EAF2: variants seen among roughly 807,000 people sequenced by gnomAD.
EAF2 encodes the protein ELL associated factor 2.
A neutral mutation model predicts 29.4 loss-of-function variants in EAF2; 29 were observed. The ratio of observed to expected loss-of-function variants is 0.99; its 90% CI spans 0.73 to 1.35. The LOEUF (loss-of-function observed/expected upper bound fraction) is 1.35, where lower values mean the gene tolerates loss of function less well. Among genes scored for constraint, EAF2 ranks in the 40% most tolerant of loss-of-function variants. The pLI, the probability that EAF2 is intolerant of heterozygous loss-of-function variation, is 0.00. For synonymous variants in EAF2, 103 were observed against 102.5 expected (o/e 1.00, Z -0.03); for missense variants, 292 against 312.0 (o/e 0.94, Z 0.48).
At chr3:121,886,078 T>TA (rs892535210) in intron 5 of EAF2, among the ~76,000 whole-genome samples, 24 of 151,868 alleles carry the variant, frequency 1.6e-4, no homozygotes, top group African/African-American at 4.3e-4. Context: ...ATCAGTGATA[T>TA]AAAAAAAAGA....
intron 3 of EAF2, 90 bp downstream of exon 3, chr3:121,854,913 G>A (rs1708693433): frequency 8.3e-7 from 1 of 1,203,198 alleles, no homozygotes; most frequent in African/African-American, 1.6e-5. Flanking sequence ...TTATAATATA[G>A]GAGTTATTTC....
chr3:121,846,070 A>T (rs962480508), intron 2 of EAF2, among the ~76,000 whole-genome samples: 1 of 152,110 alleles, frequency 6.6e-6, no homozygotes. Flanking sequence ...TGTTTTGTTT[A>T]ATTTTTGTAA....
chr3:121,885,458 T>G (rs1284502811), intron 5 of EAF2, among the ~76,000 whole-genome samples: 1 of 152,212 alleles, frequency 6.6e-6, no homozygotes, highest in African/African-American at 2.4e-5. Context: ...GCTTAAAATT[T>G]TCTCATGAAT....
chr3:121,852,559 A>T (rs557898280), intron 2 of EAF2, among the ~76,000 whole-genome samples: 1 of 152,056 alleles, frequency 6.6e-6, no homozygotes, highest in East Asian at 1.9e-4. Context: ...CCCACAAACA[A>T]CTGTTCCTTT....
chr3:121,848,006 A>G (rs552895331), intron 2 of EAF2, among the ~76,000 whole-genome samples: 1 of 152,314 alleles, frequency 6.6e-6, no homozygotes, highest in South Asian at 2.1e-4. Context: ...ACAGGTCTAT[A>G]TGAGCGTTTT....
intron 4 of EAF2, among the ~76,000 whole-genome samples, chr3:121,865,128 G>T (rs1008256744): frequency 6.6e-6 from 1 of 152,158 alleles, no homozygotes; most frequent in African/African-American, 2.4e-5. Flanking sequence ...TGTAGAGGAG[G>T]CAAGGCACAG....
chr3:121,868,238 A>G (rs1207194414), intron 4 of EAF2, among the ~76,000 whole-genome samples: 1 of 152,200 alleles, frequency 6.6e-6, no homozygotes, highest in Non-Finnish European at 1.5e-5. Flanking sequence ...GAAAATATAT[A>G]CCATTTAAAC....
Position 121,835,212 on chromosome 3 carries a change from T to G in EAF2, c.-74T>G, listed in dbSNP as rs1576630950. ...GGGTGACTTGGCTGGCGGGATCAAG[T>G]GCAGCTGCTTCAGGCTGAGGTGGCA... On this transcript the variant is annotated 5_prime_UTR_variant, in exon 1 of 6. Coordinates refer to ENST00000273668, the MANE Select transcript of EAF2 (RefSeq NM_018456.6). The G allele has an allele frequency of 7.0e-7, 1 of 1,432,302 alleles. No homozygotes were observed. The allele number at this position is 1,432,302 out of a possible 1,614,324, so 88.7% of individuals were successfully genotyped here.
At chr3:121,867,417 C>T (rs1410100821) in intron 4 of EAF2, among the ~76,000 whole-genome samples, 1 of 152,014 alleles carries the variant, frequency 6.6e-6, no homozygotes. Context: ...GACATATTAC[C>T]TATGAAAGAA....
At position 121,854,725 on chromosome 3, in the gene EAF2, A is replaced by G; in HGVS notation, c.240A>G (p.Lys80=). The part of the protein sequence containing the change: ...TPPVTVFKGS[K]KPYLKECILI... ...CAGTAACTGTTTTCAAAGGTTCAAAAAAACCTTACTTAAAAGAATGCATTT... is the reference window on the plus strand; with the variant it reads ...CAGTAACTGTTTTCAAAGGTTCAAAGAAACCTTACTTAAAAGAATGCATTT... Residue 80 remains lysine (K), a synonymous_variant, in exon 3 of 6, where the codon AAA becomes AAG. Coordinates refer to ENST00000273668, the MANE Select transcript of EAF2 (RefSeq NM_018456.6). 2 of 1,564,138 alleles carry G rather than the reference A, an allele frequency of 1.3e-6. No individual in the cohort carries two copies. Among genetic ancestry groups the G allele is most frequent in the Non-Finnish European group, 1.7e-6 (2 of 1,166,644 alleles).
At chr3:121,840,622 G>A (rs1202368052) in intron 1 of EAF2, among the ~76,000 whole-genome samples, 3 of 151,070 alleles carry the variant, frequency 2.0e-5, no homozygotes, top group Admixed American at 6.6e-5. Flanking sequence ...TTGCTGACAC[G>A]GTGAAACCCC....
chr3:121,856,562 G>C (rs1708722453), intron 3 of EAF2, among the ~76,000 whole-genome samples: 1 of 152,104 alleles, frequency 6.6e-6, no homozygotes, highest in Non-Finnish European at 1.5e-5. Flanking sequence ...GCTTACTGCA[G>C]CTTCTAACTC....
intron 5 of EAF2, among the ~76,000 whole-genome samples, chr3:121,879,006 A>G (rs1289035352): frequency 6.6e-6 from 1 of 152,084 alleles, no homozygotes; most frequent in Non-Finnish European, 1.5e-5. Context: ...TCCCACAAGC[A>G]TTCCCTTTGT....
At chr3:121,870,144 G>C (rs1349725422) in intron 4 of EAF2, among the ~76,000 whole-genome samples, 1 of 151,970 alleles carries the variant, frequency 6.6e-6, no homozygotes, top group Non-Finnish European at 1.5e-5. Context: ...TCTGGAAAAA[G>C]GAAAAGGAAG....
At chr3:121,866,648 C>T (rs901393913) in intron 4 of EAF2, among the ~76,000 whole-genome samples, 5 of 151,902 alleles carry the variant, frequency 3.3e-5, no homozygotes, top group African/African-American at 7.3e-5. Context: ...TTGCTTGAAC[C>T]CAGGAGGTGG....
intron 4 of EAF2, among the ~76,000 whole-genome samples, chr3:121,859,403 T>C (rs1708784574): frequency 3.3e-5 from 5 of 152,148 alleles, no homozygotes; most frequent in Non-Finnish European, 7.3e-5. Flanking sequence ...GTAAGTTGGA[T>C]TCCTAGGTAT....
intron 1 of EAF2, among the ~76,000 whole-genome samples, chr3:121,844,008 A>G (rs1482979111): frequency 2.0e-5 from 3 of 152,168 alleles, no homozygotes; most frequent in Non-Finnish European, 4.4e-5. Context: ...GCTTTAAAAA[A>G]AATTTATGGG....
Position 121,854,696 on chromosome 3 carries a change from C to G in EAF2, c.211C>G (p.Pro71Ala). 6.5e-7 allele frequency: 1 copy of G among 1,545,632 alleles called. No individual in the cohort carries two copies. Among genetic ancestry groups the G allele is most frequent in the Middle Eastern group, 1.8e-4 (1 of 5,700 alleles). The stretch of plus-strand genomic sequence containing the variant: ...TTAACTTTTTAAACAGGGTTCAACT[C>G]CACCAGTAACTGTTTTCAAAGGTTC... ...ITLPNIEGST[P>A]PVTVFKGSKK... Residue 71 changes from proline to alanine, a missense_variant, in exon 3 of 6, where the codon CCA becomes GCA. Coordinates refer to ENST00000273668, the MANE Select transcript of EAF2 (RefSeq NM_018456.6).
At chr3:121,882,813 G>A (rs1451534514) in intron 5 of EAF2, among the ~76,000 whole-genome samples, 1 of 149,798 alleles carries the variant, frequency 6.7e-6, no homozygotes, top group African/African-American at 2.4e-5. Context: ...TAAAAATAGT[G>A]AAATTTCTTT....
Sources: gnomAD v4.1 joint callset for allele counts (sites outside exome capture counted in the v4.1 genomes callset) on GRCh38, gnomAD v4.1.1 for gene constraint, MANE v1.5 for transcripts, NCBI Gene and HGNC (gene_info 2026-07-23, HGNC 2026-07-21) for gene names.